Variants in WDFY2 observed in about 807,000 individuals in gnomAD.
WDFY2 encodes the protein WD repeat and FYVE domain containing 2, also known as WD repeat and FYVE domain-containing protein 2.
In WDFY2, 36 loss-of-function variants were observed where a neutral mutation model predicts 56.4. The observed-to-expected ratio is 0.64, with a 90% CI of 0.49 to 0.84. The LOEUF is 0.84. WDFY2 is among the 40% of genes least tolerant of loss of function. WDFY2 has a pLI of 0.00. For missense variants in WDFY2, 444 were observed against 512.2 expected (o/e 0.87, Z 1.29); for synonymous variants, 176 against 183.7 (o/e 0.96, Z 0.34).
At chr13:51,602,946 G>C (rs754143241) in intron 1 of WDFY2, among the ~76,000 whole-genome samples, 7 of 152,152 alleles carry the variant, frequency 4.6e-5, no homozygotes, top group Non-Finnish European at 7.4e-5. Flanking sequence ...CTGCCCCTTC[G>C]CTTGTATTGC....
chr13:51,686,452 A>G (rs1364390749), intron 3 of WDFY2, among the ~76,000 whole-genome samples: 3 of 152,184 alleles, frequency 2.0e-5, no homozygotes, highest in African/African-American at 7.2e-5. Context: ...GTTAAAGAGC[A>G]GTGTATTTTA....
intron 2 of WDFY2, among the ~76,000 whole-genome samples, chr13:51,663,282 G>A (rs1393031981): frequency 2.0e-5 from 3 of 152,160 alleles, no homozygotes; most frequent in African/African-American, 7.2e-5. Context: ...GTAAAGCCAC[G>A]TGTATATAGT....
intron 5 of WDFY2, among the ~76,000 whole-genome samples, chr13:51,725,824 G>A (rs1952592235): frequency 6.6e-6 from 1 of 151,730 alleles, no homozygotes; most frequent in Admixed American, 6.6e-5. Context: ...CTCCCATGTA[G>A]CTGGAACCAC....
At chr13:51,643,399 A>C (rs916782588) in intron 1 of WDFY2, among the ~76,000 whole-genome samples, 2 of 152,188 alleles carry the variant, frequency 1.3e-5, no homozygotes, top group African/African-American at 4.8e-5. Flanking sequence ...AGCATTTTTC[A>C]CATGCCTGCC....
rs1454262939 is a variant in WDFY2, at chr13:51,759,754, C to T, written c.1188C>T (p.Thr396=). The change falls in exon 12 of 12, where the codon ACC becomes ACT. Residue 396 remains threonine (T), a synonymous_variant. Coordinates refer to ENST00000298125, the MANE Select transcript of WDFY2 (RefSeq NM_052950.4). ...TCTTTTTGCAGTTGTGGGATATGAC[C>T]CCAGTCGTGTCTTGATGACTCTCCC... ...TDKVIKLWDM[T]PVVS The T allele has an allele frequency of 6.2e-7, 1 of 1,613,462 alleles. No individual in the cohort carries two copies. The highest frequency in any genetic ancestry group is 8.5e-7 in the Non-Finnish European group (1 of 1,179,628).
chr13:51,600,838 C>T (rs183860079), intron 1 of WDFY2, among the ~76,000 whole-genome samples: 6 of 152,200 alleles, frequency 3.9e-5, no homozygotes, highest in African/African-American at 1.2e-4. Flanking sequence ...TTAGTAGTAG[C>T]GGAATAATGA....
intron 7 of WDFY2, among the ~76,000 whole-genome samples, chr13:51,744,286 C>G (rs974197668): frequency 1.3e-5 from 2 of 152,140 alleles, no homozygotes; most frequent in African/African-American, 4.8e-5. Flanking sequence ...ATTTGAGTTC[C>G]CCTTACTCTT....
At chr13:51,642,865 A>T (rs1431148298) in intron 1 of WDFY2, among the ~76,000 whole-genome samples, 1 of 151,668 alleles carries the variant, frequency 6.6e-6, no homozygotes, top group Non-Finnish European at 1.5e-5. Context: ...ATTTTTAGAG[A>T]TGGGGTTTCA....
chr13:51,584,588 CAG>C lies in WDFY2; in HGVS notation c.-97_-96del. 4.2e-6 allele frequency: 6 copies of C among 1,429,252 alleles called. No individual in the cohort carries two copies. The South Asian group carries it at 4.3e-5, about 10-fold the overall frequency. 88.5% of individuals were successfully genotyped at this position (1,429,252 alleles called of 1,614,324 possible). A position where few individuals can be genotyped will look rare whatever the true frequency, so the allele number is the denominator to read the frequency against. On this transcript the variant is annotated 5_prime_UTR_variant, in exon 1 of 12. Transcript: ENST00000298125. ...TTTCCGGCGTTCCGCTCCGGCCAGC[CAG>C]AGTCTCTGTCTCAACCTGTGTCCGT...
At chr13:51,648,019 T>C (rs532536414) in intron 1 of WDFY2, among the ~76,000 whole-genome samples, 53 of 152,268 alleles carry the variant, frequency 3.5e-4, no homozygotes, top group Non-Finnish European at 6.2e-4. Flanking sequence ...CCCTGCTTAG[T>C]TGAACATGTG....
At chr13:51,711,315 A>G (rs1952210476) in intron 4 of WDFY2, among the ~76,000 whole-genome samples, 2 of 152,270 alleles carry the variant, frequency 1.3e-5, no homozygotes, top group African/African-American at 4.8e-5. Flanking sequence ...CTTAAACGTT[A>G]GACCTAAAAC....
At chr13:51,748,434 C>T (rs560892764) in intron 7 of WDFY2, among the ~76,000 whole-genome samples, 14 of 152,236 alleles carry the variant, frequency 9.2e-5, no homozygotes, top group South Asian at 4.2e-4. Flanking sequence ...TTTGTGACTT[C>T]GAGCTTTATT....
At chr13:51,682,575 C>G (rs1378372793) in intron 3 of WDFY2, among the ~76,000 whole-genome samples, 1 of 152,136 alleles carries the variant, frequency 6.6e-6, no homozygotes, top group Non-Finnish European at 1.5e-5. Context: ...TGCCTCTACC[C>G]CCCTCAAGTT....
chr13:51,597,085 A>T (rs893988865), intron 1 of WDFY2, among the ~76,000 whole-genome samples: 11 of 152,100 alleles, frequency 7.2e-5, no homozygotes, highest in African/African-American at 2.7e-4. Flanking sequence ...CCTCACTTTA[A>T]TTTTTTGTTT....
chr13:51,588,516 G>C (rs1246445850), intron 1 of WDFY2: 4 of 152,242 alleles, frequency 2.6e-5, no homozygotes, highest in Admixed American at 6.5e-5. Flanking sequence ...GTTAACAACA[G>C]GTACAAACAT....
chr13:51,717,850 A>G (rs1593446047), intron 4 of WDFY2, among the ~76,000 whole-genome samples: 1 of 152,256 alleles, frequency 6.6e-6, no homozygotes, highest in East Asian at 1.9e-4. Context: ...TTCAAATACC[A>G]GCTCTTAAAG....
chr13:51,647,789 C>G (rs927500402), intron 1 of WDFY2, among the ~76,000 whole-genome samples: 7 of 149,108 alleles, frequency 4.7e-5, no homozygotes, highest in Non-Finnish European at 1.0e-4. Context: ...AAAAAAAAAC[C>G]TTATGGGACC....
intron 5 of WDFY2, among the ~76,000 whole-genome samples, chr13:51,724,478 C>G (rs914793271): frequency 1.3e-5 from 2 of 152,154 alleles, no homozygotes; most frequent in Non-Finnish European, 2.9e-5. Flanking sequence ...ACCTCGTGAT[C>G]CGACCGCCTC....
intron 4 of WDFY2, among the ~76,000 whole-genome samples, chr13:51,709,629 A>G (rs1257473017): frequency 1.3e-5 from 2 of 152,214 alleles, no homozygotes; most frequent in Non-Finnish European, 2.9e-5. Context: ...CAGAAATACA[A>G]ACTACCATCA....
Sources: allele counts gnomAD v4.1 joint callset (sites outside exome capture counted in the v4.1 genomes callset), GRCh38; gene constraint gnomAD v4.1.1; transcripts MANE v1.5; gene names NCBI Gene and HGNC (gene_info 2026-07-23, HGNC 2026-07-21).